ACTL8: variants seen among roughly 807,000 people sequenced by gnomAD.
ACTL8 encodes the protein actin like 8.
ACTL8 carries 3 observed loss-of-function variants against 9.3 expected under a neutral mutation model. That is an observed-to-expected ratio of 0.32 (90% CI 0.15 to 0.83). The LOEUF is 0.83. Ranked by LOEUF, ACTL8 falls within the 40% of genes least tolerant of loss-of-function variation. ACTL8 has a pLI of 0.57. For synonymous variants in ACTL8, 224 were observed against 205.9 expected, an observed-to-expected ratio of 1.09 and a Z score of -0.75; for missense variants, 381 against 492.2, an observed-to-expected ratio of 0.77 and a Z score of 2.14.
chr1:17,818,491 C>T (rs1362192079), intron 1 of ACTL8, among the ~76,000 whole-genome samples: 1 of 152,218 alleles, frequency 6.6e-6, no homozygotes, highest in Non-Finnish European at 1.5e-5. Context: ...CTTGCAAGGC[C>T]CTTCTCAGAT....
chr1:17,778,232 A>G (rs2102681860), intron 1 of ACTL8, among the ~76,000 whole-genome samples: 1 of 152,306 alleles, frequency 6.6e-6, no homozygotes, highest in African/African-American at 2.4e-5. Context: ...GGGTTTATCC[A>G]GGCATGGGGC....
At chr1:17,766,223 T>C (rs1238965741) in intron 1 of ACTL8, among the ~76,000 whole-genome samples, 1 of 152,168 alleles carries the variant, frequency 6.6e-6, no homozygotes, top group African/African-American at 2.4e-5. Context: ...GACTAATAGA[T>C]GTGATGTGTT....
chr1:17,825,370 T>C (rs2053705287), intron 2 of ACTL8, among the ~76,000 whole-genome samples: 1 of 152,132 alleles, frequency 6.6e-6, no homozygotes, highest in African/African-American at 2.4e-5. Flanking sequence ...CTCCACTGTT[T>C]GGAGACAGTG....
At chr1:17,799,385 A>G (rs533258207) in intron 1 of ACTL8, among the ~76,000 whole-genome samples, 1 of 151,230 alleles carries the variant, frequency 6.6e-6, no homozygotes, top group South Asian at 2.1e-4. Context: ...TCATCTCCTT[A>G]TATGCTTGCT....
At chr1:17,794,657 T>G (rs1326431831) in intron 1 of ACTL8, among the ~76,000 whole-genome samples, 1 of 152,250 alleles carries the variant, frequency 6.6e-6, no homozygotes, top group African/African-American at 2.4e-5. Context: ...AATTTTTATT[T>G]GTGTCTTATT....
At chr1:17,795,248 C>T (rs1375052626) in intron 1 of ACTL8, among the ~76,000 whole-genome samples, 8 of 152,198 alleles carry the variant, frequency 5.3e-5, no homozygotes, top group African/African-American at 1.9e-4. Context: ...CAAAGAAGGG[C>T]ACTTCCTAGA....
At chr1:17,821,229 C>A (rs1020586084) in intron 1 of ACTL8, among the ~76,000 whole-genome samples, 1 of 151,928 alleles carries the variant, frequency 6.6e-6, no homozygotes, top group Non-Finnish European at 1.5e-5. Context: ...CTTGTCTTTT[C>A]ATTCTCTTTG....
intron 1 of ACTL8, among the ~76,000 whole-genome samples, chr1:17,774,279 C>T (rs947598472): frequency 6.6e-6 from 1 of 152,162 alleles, no homozygotes; most frequent in African/African-American, 2.4e-5. Context: ...AAAGCTCTTC[C>T]ACCAGCTGAA....
Position 17,785,488 on chromosome 1 carries a change from T to A in ACTL8, c.-25+29984T>A, listed in dbSNP as rs150371089. Among the ~76,000 whole-genome samples, 262 of 152,340 alleles carry A rather than the reference T, an allele frequency of 1.7e-3. 1 individual carries two copies. The highest frequency in any genetic ancestry group is 5.8e-3 in the African/African-American group (243 of 41,576). On this transcript the variant is annotated intron_variant, in intron 1 of 2. Transcript: ENST00000375406. ...AGAGGACGCACCTAATAGGTTGTTG[T>A]GACAATGAAATGAGCAAATGCAGGT...
At chr1:17,757,424 T>C (rs2065975478) in intron 1 of ACTL8, among the ~76,000 whole-genome samples, 1 of 152,338 alleles carries the variant, frequency 6.6e-6, no homozygotes, top group Non-Finnish European at 1.5e-5. Flanking sequence ...ATGGGGGCAG[T>C]TGTTGGACTC....
intron 1 of ACTL8, among the ~76,000 whole-genome samples, chr1:17,758,974 A>G (rs1478343688): frequency 1.3e-5 from 2 of 152,220 alleles, no homozygotes; most frequent in Non-Finnish European, 2.9e-5. Context: ...CCTAATAAAT[A>G]TAGTCCATGA....
intron 1 of ACTL8, among the ~76,000 whole-genome samples, chr1:17,821,575 G>T (rs927214347): frequency 1.3e-5 from 2 of 151,906 alleles, no homozygotes; most frequent in African/African-American, 4.8e-5. Context: ...CACTTTTTTT[G>T]TGTGTGGGCC....
intron 2 of ACTL8, among the ~76,000 whole-genome samples, chr1:17,825,316 TTTC>T (rs2053704972): frequency 2.0e-5 from 3 of 152,194 alleles, no homozygotes; most frequent in Non-Finnish European, 4.4e-5. Context: ...TGGCGTCTTT[TTTC>T]TTGTCTGTCT....
At chr1:17,756,925 T>C (rs1421920622) in intron 1 of ACTL8, among the ~76,000 whole-genome samples, 2 of 152,162 alleles carry the variant, frequency 1.3e-5, no homozygotes, top group African/African-American at 4.8e-5. Context: ...TTTTGAGGGC[T>C]CCTGTCTTCA....
At chr1:17,822,896 G>A (rs1182389721) in intron 1 of ACTL8, 89 bp from the exon 2 acceptor site, 8 of 837,146 alleles carry the variant, frequency 9.6e-6, no homozygotes, top group African/African-American at 1.7e-5. Flanking sequence ...TTCAGGGGGA[G>A]CCTGAGGTTT....
chr1:17,802,601 T>TAA (rs545453153), intron 1 of ACTL8, among the ~76,000 whole-genome samples: 250 of 152,302 alleles, frequency 1.6e-3, no homozygotes, highest in African/African-American at 5.6e-3. Flanking sequence ...TCCCCGATCA[T>TAA]AACATCATGT....
chr1:17,807,885 C>T (rs527774061), intron 1 of ACTL8, among the ~76,000 whole-genome samples: 36 of 152,150 alleles, frequency 2.4e-4, no homozygotes, highest in Non-Finnish European at 1.5e-5. Flanking sequence ...GGAGAATTAC[C>T]TAATGTAGGT....
At chr1:17,816,278 T>C (rs1205423227) in intron 1 of ACTL8, among the ~76,000 whole-genome samples, 3 of 151,574 alleles carry the variant, frequency 2.0e-5, no homozygotes, top group Non-Finnish European at 2.9e-5. Flanking sequence ...CTTAGCTCTC[T>C]GCAAACTCCG....
chr1:17,789,129 C>A (rs1171102103), intron 1 of ACTL8, among the ~76,000 whole-genome samples: 1 of 152,170 alleles, frequency 6.6e-6, no homozygotes, highest in Admixed American at 6.5e-5. Flanking sequence ...TAATTATAAA[C>A]AAATATGTAT....
Sources: gnomAD v4.1 joint callset for allele counts (sites outside exome capture counted in the v4.1 genomes callset) on GRCh38, gnomAD v4.1.1 for gene constraint, MANE v1.5 for transcripts, NCBI Gene and HGNC (gene_info 2026-07-23, HGNC 2026-07-21) for gene names.